CFAP58: variants seen among roughly 807,000 people sequenced by gnomAD.
CFAP58 encodes cilia and flagella associated protein 58.
CFAP58 carries 88 observed loss-of-function variants against 119.5 expected under a neutral mutation model. The observed-to-expected ratio is 0.74, with a 90% CI of 0.62 to 0.88. CFAP58 has a LOEUF of 0.88. Among genes scored for constraint, CFAP58 ranks in the 40% least tolerant of loss-of-function variants. The pLI is 0.00. For missense variants in CFAP58, 990 were observed against 1,021.2 expected, an observed-to-expected ratio of 0.97 and a Z score of 0.42; for synonymous variants, 365 against 366.3, an observed-to-expected ratio of 1.00 and a Z score of 0.04.
upstream of CFAP58, chr10:104,353,815 G>A: frequency 1.3e-6 from 2 of 1,527,528 alleles, no homozygotes; most frequent in South Asian, 2.3e-5. Context: ...AGCGCGTCGC[G>A]CCTTTAGCTT....
At chr10:104,392,861 G>C (rs942235642) in intron 10 of CFAP58, among the ~76,000 whole-genome samples, 3 of 151,900 alleles carry the variant, frequency 2.0e-5, no homozygotes, top group South Asian at 2.1e-4. Context: ...GGCTGGTCTC[G>C]AACTCCTGAC....
chr10:104,355,369 A>T (rs979579813), intron 1 of CFAP58, among the ~76,000 whole-genome samples: 15 of 152,236 alleles, frequency 9.9e-5, no homozygotes, highest in African/African-American at 3.6e-4. Context: ...TCTGTGAGGA[A>T]CCCTGCCCAG....
At chr10:104,378,532 A>G (rs1225450679) in intron 8 of CFAP58, among the ~76,000 whole-genome samples, 1 of 152,212 alleles carries the variant, frequency 6.6e-6, no homozygotes, top group African/African-American at 2.4e-5. Flanking sequence ...GGGCCTCAGG[A>G]ACCCATTGGA....
In CFAP58 at chr10:104,371,019, A is replaced by G; in HGVS notation, c.1055A>G (p.Glu352Gly). The change falls in exon 7 of 18, where the codon GAA (glutamate) becomes GGA (glycine). Residue 352 changes from glutamate to glycine, a missense_variant. Physicochemically the swap from Glu to Gly is moderately conservative, Grantham distance 98 (BLOSUM62 -2). Coordinates refer to ENST00000369704, the MANE Select transcript of CFAP58 (RefSeq NM_001008723.2). ...AAGGCAGAAGTCGAACAGCACAAAG[A>G]AACCCTAAAAAATCAGATTGTGGGA... ...DQKAEVEQHK[E>G]TLKNQIVGLE... The G allele has an allele frequency of 6.2e-7, 1 of 1,611,398 alleles. No individual in the cohort carries two copies. Among genetic ancestry groups the G allele is most frequent in the South Asian group, 1.1e-5 (1 of 90,456 alleles).
intron 15 of CFAP58, among the ~76,000 whole-genome samples, chr10:104,415,347 C>A (rs992120825): frequency 6.6e-6 from 1 of 152,078 alleles, no homozygotes; most frequent in Non-Finnish European, 1.5e-5. Context: ...GCTCTAGTAC[C>A]GCTGGGATTC....
chr10:104,363,619 C>A (rs1042090761), intron 3 of CFAP58, among the ~76,000 whole-genome samples: 10 of 152,326 alleles, frequency 6.6e-5, no homozygotes, highest in Admixed American at 3.3e-4. Context: ...ATGGAAGAAA[C>A]AATCCAGCCA....
intron 15 of CFAP58, among the ~76,000 whole-genome samples, chr10:104,419,554 T>C (rs2012619558): frequency 6.6e-6 from 1 of 152,026 alleles, no homozygotes; most frequent in African/African-American, 2.4e-5. Flanking sequence ...TGTTCTTTTA[T>C]CTGTGTCCTT....
At position 104,364,810 on chromosome 10, in the gene CFAP58, G is replaced by A. The variant is rs778035090; in HGVS notation, c.518G>A (p.Arg173Gln). The change falls in exon 4 of 18, where the codon CGA (arginine) becomes CAA (glutamine). Residue 173 changes from arginine (R) to glutamine (Q), a missense_variant. By Grantham distance (43) the Arg-to-Gln change is conservative (BLOSUM62 1). Coordinates refer to ENST00000369704, the MANE Select transcript of CFAP58 (RefSeq NM_001008723.2). ...CTCTTATCAGAAGTGGTAAAATTAC[G>A]AGAATCCCTAGCTCAGACCACTGAA... ...DQLLSEVVKL[R>Q]ESLAQTTEQQ... 10 of 1,612,794 alleles carry A rather than the reference G, an allele frequency of 6.2e-6. No individual in the cohort carries two copies. Among genetic ancestry groups the A allele is most frequent in the Middle Eastern group, 1.7e-4 (1 of 6,048 alleles).
rs779518970 is a variant in CFAP58 at position 104,361,973 on chromosome 10, AT to A, written c.292-49del. ...TATTCTGTTTGCTGGTTTATCTTGC[AT>A]CTAGAATCCAGTTTGGTCTTTCTCA... On this transcript the variant is annotated intron_variant, in intron 2 of 17. Transcript: ENST00000369704. 1.9e-6 allele frequency: 3 copies of A among 1,569,806 alleles called. No homozygotes were observed. The South Asian group carries it at 3.4e-5, about 18-fold the overall frequency.
intron 15 of CFAP58, among the ~76,000 whole-genome samples, chr10:104,440,821 T>C (rs1163833969): frequency 6.6e-6 from 1 of 152,124 alleles, no homozygotes; most frequent in African/African-American, 2.4e-5. Context: ...CCCACCAAGA[T>C]GCATCTGAAA....
intron 15 of CFAP58, among the ~76,000 whole-genome samples, chr10:104,445,712 A>G (rs2013103709): frequency 6.6e-6 from 1 of 152,236 alleles, no homozygotes; most frequent in Non-Finnish European, 1.5e-5. Context: ...GGGGTATATC[A>G]TCACTAGGTT....
At chr10:104,408,921 A>G (rs2012412485) in intron 15 of CFAP58, among the ~76,000 whole-genome samples, 1 of 152,092 alleles carries the variant, frequency 6.6e-6, no homozygotes, top group African/African-American at 2.4e-5. Flanking sequence ...ATAACATGGC[A>G]AAACCTTATC....
At chr10:104,421,943 C>T (rs781648529) in intron 15 of CFAP58, among the ~76,000 whole-genome samples, 5 of 152,106 alleles carry the variant, frequency 3.3e-5, no homozygotes, top group Admixed American at 6.5e-5. Context: ...CCTAGCACTT[C>T]GGGAGGCCGA....
At position 104,376,901 on chromosome 10, in the gene CFAP58, T is replaced by C. The variant is rs935320872; in HGVS notation, c.1173+8T>C. 2 of 1,597,742 alleles carry C rather than the reference T, an allele frequency of 1.3e-6. No individual in the cohort carries two copies. Among genetic ancestry groups the C allele is most frequent in the African/African-American group, 2.7e-5 (2 of 74,526 alleles). On this transcript the variant is annotated splice_region_variant and intron_variant, in intron 8 of 17. Coordinates refer to ENST00000369704, the MANE Select transcript of CFAP58 (RefSeq NM_001008723.2). ...AGGGACATACTAAATAAGGTGAGTG[T>C]GTTACAGTCACACTGGTAAATAAAT...
chr10:104,447,631 A>G lies in CFAP58; in HGVS notation c.2257-67A>G, dbSNP rs1173146743. On this transcript the variant is annotated intron_variant, in intron 15 of 17. Transcript: ENST00000369704. Reference sequence around the variant, plus strand: ...CACTCCCAAATTGTGCTGGCCATGCAGTGAAAGGCATTTTCCCTGTTTTGA... The same window carrying G: ...CACTCCCAAATTGTGCTGGCCATGCGGTGAAAGGCATTTTCCCTGTTTTGA... 5.0e-6 allele frequency: 8 copies of G among 1,586,660 alleles called. No homozygotes were observed. In the East Asian group the frequency reaches 1.6e-4, roughly 31 times the overall value.
intron 15 of CFAP58, among the ~76,000 whole-genome samples, chr10:104,434,963 C>T (rs960690415): frequency 2.0e-5 from 3 of 152,178 alleles, no homozygotes; most frequent in African/African-American, 7.2e-5. Flanking sequence ...AATGAAGATA[C>T]TTACTGATTT....
At chr10:104,451,156 C>CA (rs1323699070) in intron 17 of CFAP58, among the ~76,000 whole-genome samples, 1 of 152,176 alleles carries the variant, frequency 6.6e-6, no homozygotes, top group Non-Finnish European at 1.5e-5. Context: ...TGTAGTGACT[C>CA]ACGTTATGGG....
At chr10:104,415,300 G>A (rs777109680) in intron 15 of CFAP58, among the ~76,000 whole-genome samples, 3 of 152,148 alleles carry the variant, frequency 2.0e-5, no homozygotes, top group Non-Finnish European at 4.4e-5. Flanking sequence ...GCCAGTGGGT[G>A]GAGGGGGAGG....
At chr10:104,391,791 G>A (rs1013952184) in intron 9 of CFAP58, among the ~76,000 whole-genome samples, 3 of 152,180 alleles carry the variant, frequency 2.0e-5, no homozygotes, top group Non-Finnish European at 4.4e-5. Context: ...AAAGTTCAAA[G>A]ACCATTTTTC....
Sources: gnomAD v4.1 joint callset for allele counts (sites outside exome capture counted in the v4.1 genomes callset) on GRCh38, gnomAD v4.1.1 for gene constraint, MANE v1.5 for transcripts, NCBI Gene and HGNC (gene_info 2026-07-23, HGNC 2026-07-21) for gene names.